The following TUSC3 variants were observed in gnomAD, a reference collection of about 807,000 sequenced individuals.
TUSC3 encodes the protein dolichyl-diphosphooligosaccharide--protein glycosyltransferase subunit TUSC3.
In TUSC3, 45 loss-of-function variants were observed where a neutral mutation model predicts 44.8. The observed-to-expected ratio is 1.00, with a 90% CI of 0.79 to 1.29. TUSC3 has a LOEUF of 1.29. Among genes scored for constraint, TUSC3 ranks in the 50% most tolerant of loss-of-function variants. The pLI, the probability that TUSC3 is intolerant of heterozygous loss-of-function variation, is 0.00. For synonymous variants in TUSC3, 212 were observed against 152.9 expected, an observed-to-expected ratio of 1.39 and a Z score of -2.85; for missense variants, 519 against 437.9, an observed-to-expected ratio of 1.19 and a Z score of -1.65.
intron 3 of TUSC3, among the ~76,000 whole-genome samples, chr8:15,655,248 G>A (rs188498194): frequency 1.2e-4 from 18 of 152,302 alleles, no homozygotes; most frequent in Middle Eastern, 6.8e-3. Flanking sequence ...TTCCTGCTAA[G>A]ATCTTAGGAC....
chr8:15,745,991 A>T (rs1029433463), intron 8 of TUSC3, among the ~76,000 whole-genome samples: 10 of 152,084 alleles, frequency 6.6e-5, no homozygotes, highest in African/African-American at 1.9e-4. Flanking sequence ...CTAGCCAGTT[A>T]TCCCAGCAAC....
chr8:15,564,306 A>G (rs1004490278), intron 1 of TUSC3, among the ~76,000 whole-genome samples: 3 of 152,166 alleles, frequency 2.0e-5, no homozygotes, highest in African/African-American at 7.2e-5. Context: ...AACAGCTAAA[A>G]TAAAAAATAA....
chr8:15,770,607 T>C (rs1585320575), downstream of TUSC3, among the ~76,000 whole-genome samples: 2 of 152,248 alleles, frequency 1.3e-5, no homozygotes, highest in South Asian at 4.1e-4. Flanking sequence ...AAAAATATGA[T>C]CTTAAAATGA....
intron 2 of TUSC3, among the ~76,000 whole-genome samples, chr8:15,492,781 G>GAA (rs372432755): frequency 2.2e-5 from 3 of 137,154 alleles, no homozygotes; most frequent in Non-Finnish European, 4.8e-5. Flanking sequence ...CCATAAAAAG[G>GAA]AAAAAAAAAA....
chr8:15,760,247 A>G (rs1016572577), intron 10 of TUSC3, among the ~76,000 whole-genome samples: 1 of 152,142 alleles, frequency 6.6e-6, no homozygotes, highest in African/African-American at 2.4e-5. Flanking sequence ...AAATCCCAAC[A>G]CCCAGGTCAT....
intron 8 of TUSC3, among the ~76,000 whole-genome samples, chr8:15,744,672 A>G (rs199938507): frequency 6.7e-6 from 1 of 149,808 alleles, no homozygotes; most frequent in Non-Finnish European, 1.5e-5. Context: ...TTCCTATGGT[A>G]TCATCTATTG....
At chr8:15,686,302 G>A (rs892542184) in intron 6 of TUSC3, among the ~76,000 whole-genome samples, 8 of 151,952 alleles carry the variant, frequency 5.3e-5, no homozygotes, top group Admixed American at 1.3e-4. Flanking sequence ...GAACAAATGC[G>A]TTATTTTCAA....
chr8:15,663,604 A>C (rs1405013285), intron 5 of TUSC3, among the ~76,000 whole-genome samples: 1 of 151,908 alleles, frequency 6.6e-6, no homozygotes, highest in African/African-American at 2.4e-5. Flanking sequence ...ACATAGTCAA[A>C]ATACAAATTA....
rs994707731 is a variant in TUSC3, at chr8:15,724,561, C to A, written c.799-6105C>A. The stretch of plus-strand genomic sequence containing the variant: ...CGTTTTTAGGTTGACAGTAAATTAT[C>A]ATGTTTTCTTCCTTCTTTTTGCTTT... On this transcript the variant is annotated intron_variant, in intron 6 of 10. Coordinates refer to ENST00000503731, the MANE Select transcript of TUSC3 (RefSeq NM_006765.4). Among the ~76,000 whole-genome samples, 10 of 152,228 alleles carry A rather than the reference C, an allele frequency of 6.6e-5. No homozygotes were observed. The East Asian group carries it at 1.4e-3, about 21-fold the overall frequency.
intron 1 of TUSC3, among the ~76,000 whole-genome samples, chr8:15,545,003 G>T (rs558506129): frequency 1.3e-5 from 2 of 151,788 alleles, no homozygotes; most frequent in African/African-American, 4.8e-5. Flanking sequence ...TGTACATATG[G>T]TTCTATATTT....
At chr8:15,574,309 A>C (rs1411715644) in intron 1 of TUSC3, among the ~76,000 whole-genome samples, 1 of 152,166 alleles carries the variant, frequency 6.6e-6, no homozygotes, top group East Asian at 1.9e-4. Flanking sequence ...TGCTACCAAA[A>C]ATATACAATT....
chr8:15,479,238 G>C (rs1800625651), intron 1 of TUSC3, among the ~76,000 whole-genome samples: 1 of 152,206 alleles, frequency 6.6e-6, no homozygotes, highest in South Asian at 2.1e-4. Context: ...TAGGTTGTCT[G>C]TTTACTCTGA....
At chr8:15,456,995 G>A (rs969064636) in intron 1 of TUSC3, among the ~76,000 whole-genome samples, 3 of 152,132 alleles carry the variant, frequency 2.0e-5, no homozygotes, top group African/African-American at 7.2e-5. Flanking sequence ...TCATGTTACA[G>A]AAACTAGCAA....
intron 6 of TUSC3, among the ~76,000 whole-genome samples, chr8:15,707,782 A>C (rs1363675160): frequency 2.0e-5 from 3 of 151,952 alleles, no homozygotes; most frequent in Non-Finnish European, 4.4e-5. Context: ...CAAACCGGGT[A>C]ACTTTAAAAC....
chr8:15,792,120 ACAC>A, the TUSC3 span, among the ~76,000 whole-genome samples: 2 of 3,312 alleles, frequency 6.0e-4, no homozygotes, highest in Non-Finnish European at 9.0e-4. Context: ...CCAACCTCTA[ACAC>A]ACACACACAC....
At chr8:15,788,442 G>A in the TUSC3 span, among the ~76,000 whole-genome samples, 770 of 151,874 alleles carry the variant, frequency 5.1e-3, 13 homozygotes, top group African/African-American at 0.018. Flanking sequence ...AGCTACTTGG[G>A]AGGCTGAGGC....
intron 1 of TUSC3, among the ~76,000 whole-genome samples, chr8:15,431,616 C>G (rs1799874601): frequency 6.7e-6 from 1 of 148,340 alleles, no homozygotes. Context: ...ATGTCTTGTA[C>G]AAACAGAAAT....
chr8:15,492,557 T>G (rs1433700586), intron 2 of TUSC3, among the ~76,000 whole-genome samples: 1 of 152,118 alleles, frequency 6.6e-6, no homozygotes, highest in Non-Finnish European at 1.5e-5. Flanking sequence ...TTTCTGGAAG[T>G]GTTTAAACAA....
chr8:15,585,369 C>G (rs896735309), intron 1 of TUSC3, among the ~76,000 whole-genome samples: 20 of 152,176 alleles, frequency 1.3e-4, no homozygotes, highest in Non-Finnish European at 1.8e-4. Flanking sequence ...TGAGGTATCA[C>G]CTGGAGTTCT....
Sources: gnomAD v4.1 joint callset for allele counts (sites outside exome capture counted in the v4.1 genomes callset) on GRCh38, gnomAD v4.1.1 for gene constraint, MANE v1.5 for transcripts, NCBI Gene and HGNC (gene_info 2026-07-23, HGNC 2026-07-21) for gene names.